Variants in PHF21A observed in about 807,000 individuals in gnomAD.
PHF21A encodes BHC80a.
Under a neutral mutation model 82.5 loss-of-function variants are expected in PHF21A, and 11 were observed. The ratio of observed to expected loss-of-function variants is 0.13; its 90% CI spans 0.08 to 0.22. The LOEUF (loss-of-function observed/expected upper bound fraction) is 0.22, where lower values mean the gene tolerates loss of function less well. PHF21A is among the 10% of genes least tolerant of loss of function. The pLI is 1.00. For synonymous variants in PHF21A, 297 were observed against 302.8 expected (o/e 0.98, Z 0.20); for missense variants, 579 against 837.8 (o/e 0.69, Z 3.81).
intron 6 of PHF21A, among the ~76,000 whole-genome samples, chr11:46,020,021 G>A (rs981704004): frequency 6.6e-6 from 1 of 151,378 alleles, no homozygotes; most frequent in Non-Finnish European, 1.5e-5. Context: ...ATTATGAAGA[G>A]ACCTGAATGA....
intron 6 of PHF21A, among the ~76,000 whole-genome samples, chr11:45,985,103 G>A (rs933088440): frequency 1.3e-5 from 2 of 152,180 alleles, no homozygotes; most frequent in Non-Finnish European, 2.9e-5. Flanking sequence ...AATTTTACGC[G>A]TATGGAAAAA....
intron 6 of PHF21A, among the ~76,000 whole-genome samples, chr11:46,057,830 TA>T (rs1321127393): frequency 6.6e-6 from 1 of 152,134 alleles, no homozygotes; most frequent in Non-Finnish European, 1.5e-5. Flanking sequence ...GTGCCAAGTG[TA>T]AAAATATGGT....
intron 3 of PHF21A, among the ~76,000 whole-genome samples, chr11:46,088,064 T>C (rs1244052984): frequency 2.0e-5 from 3 of 152,100 alleles, no homozygotes; most frequent in African/African-American, 4.8e-5. Context: ...GCTGAAAAAA[T>C]ATTTTGAGGT....
chr11:46,060,199 C>T (rs192493544), intron 6 of PHF21A, among the ~76,000 whole-genome samples: 2 of 152,156 alleles, frequency 1.3e-5, no homozygotes, highest in African/African-American at 4.8e-5. Context: ...GGTCTTGCTA[C>T]GTTGGCCTGG....
intron 6 of PHF21A, among the ~76,000 whole-genome samples, chr11:45,989,525 C>T (rs927440478): frequency 4.1e-5 from 6 of 148,022 alleles, no homozygotes; most frequent in Non-Finnish European, 7.4e-5. Context: ...AAAAATTAGC[C>T]GGGCCTGATG....
chr11:45,958,419 AATATATATAT>A (rs71308367), intron 10 of PHF21A, among the ~76,000 whole-genome samples: 12 of 25,024 alleles, frequency 4.8e-4, no homozygotes, highest in East Asian at 2.2e-3. Flanking sequence ...AAAAAAAAAA[AATATATATAT>A]ATATATATAT....
intron 6 of PHF21A, among the ~76,000 whole-genome samples, chr11:46,065,047 T>C (rs1014511254): frequency 1.3e-5 from 2 of 152,220 alleles, no homozygotes; most frequent in Non-Finnish European, 2.9e-5. Flanking sequence ...TAATTTACAT[T>C]AGTAGAGGAA....
rs2088831273 is a variant in PHF21A at position 45,935,754 on chromosome 11, A to C, written c.1685-15T>G. 2 of 1,081,108 alleles carry C rather than the reference A, an allele frequency of 1.8e-6. No homozygotes were observed. The highest frequency in any genetic ancestry group is 4.7e-5 in the East Asian group (2 of 42,570). 67.0% of individuals were successfully genotyped at this position (1,081,108 alleles called of 1,614,324 possible). ...TTCTTCTTTTGCTAAAAAAAAAAAA[A>C]AAAAAAAAAAGGAACGGTTTTTGAC... On this transcript the variant is annotated splice_polypyrimidine_tract_variant and intron_variant, in intron 17 of 18. Transcript: ENST00000676320.
chr11:45,958,226 C>A (rs140683385), intron 10 of PHF21A, among the ~76,000 whole-genome samples: 1 of 149,642 alleles, frequency 6.7e-6, no homozygotes, highest in African/African-American at 2.5e-5. Flanking sequence ...CCAGAAAATA[C>A]ACTCTTAAAT....
chr11:46,010,130 C>G (rs2095382635), intron 6 of PHF21A, among the ~76,000 whole-genome samples: 2 of 152,082 alleles, frequency 1.3e-5, no homozygotes, highest in African/African-American at 2.4e-5. Context: ...GGAATGAGAA[C>G]AATCATTTAA....
chr11:46,110,478 T>C (rs1255688394), intron 1 of PHF21A, among the ~76,000 whole-genome samples: 1 of 152,212 alleles, frequency 6.6e-6, no homozygotes, highest in African/African-American at 2.4e-5. Flanking sequence ...TCTCCTGATT[T>C]CCAACTTTAG....
intron 10 of PHF21A, among the ~76,000 whole-genome samples, chr11:45,957,749 A>C (rs1237117493): frequency 1.4e-5 from 2 of 141,796 alleles, no homozygotes; most frequent in African/African-American, 5.3e-5. Context: ...CTAAATTCAA[A>C]GCAAAAAAAA....
At position 45,937,551 on chromosome 11, in the gene PHF21A, G is replaced by A. The variant is rs1041488712; in HGVS notation, c.1608+606C>T. ...GCTGGAGTGCAGTGGTGTGACCTCC[G>A]CTCACTGCAGCCTCCACCTCCTGGG... On this transcript the variant is annotated intron_variant, in intron 16 of 18. Coordinates refer to ENST00000676320, the MANE Select transcript of PHF21A (RefSeq NM_001352027.3). Among the ~76,000 whole-genome samples, 5 of 152,268 alleles carry A rather than the reference G, an allele frequency of 3.3e-5. No individual in the cohort carries two copies. In the East Asian group the frequency reaches 7.7e-4, roughly 23 times the overall value.
intron 7 of PHF21A, among the ~76,000 whole-genome samples, chr11:45,977,039 T>G (rs1398012864): frequency 6.6e-6 from 1 of 152,150 alleles, no homozygotes; most frequent in Non-Finnish European, 1.5e-5. Flanking sequence ...AACACTGTTT[T>G]GGAGGCAGCC....
intron 6 of PHF21A, among the ~76,000 whole-genome samples, chr11:46,005,457 T>C (rs2095272737): frequency 6.6e-6 from 1 of 152,154 alleles, no homozygotes; most frequent in South Asian, 2.1e-4. Context: ...GGTTTCAAGA[T>C]AATAAGAAAA....
intron 15 of PHF21A, among the ~76,000 whole-genome samples, chr11:45,943,470 C>T (rs577752536): frequency 3.3e-5 from 5 of 152,232 alleles, no homozygotes; most frequent in African/African-American, 9.6e-5. Context: ...CGTGAGCCAC[C>T]GTGCCTGCCC....
rs555664938 is a variant in PHF21A, at chr11:46,121,395, C to T, written c.-697G>A. On this transcript the variant is annotated 5_prime_UTR_variant, in exon 1 of 19. Transcript: ENST00000676320. ...AAGCCCAACTCTTCATCCTCCTCCT[C>T]CTCTCAGCAGCAGCAGCGAGCACCA... Among the ~76,000 whole-genome samples, 7 of 151,556 alleles carry T rather than the reference C, an allele frequency of 4.6e-5. No homozygotes were observed. Among genetic ancestry groups the T allele is most frequent in the African/African-American group, 1.7e-4 (7 of 41,388 alleles).
rs748979964 is a variant in PHF21A at position 45,971,270 on chromosome 11, C to A, written c.458G>T (p.Arg153Ile). The A allele has an allele frequency of 6.2e-7, 1 of 1,614,168 alleles. No homozygotes were observed. The highest frequency in any genetic ancestry group is 8.5e-7 in the Non-Finnish European group (1 of 1,180,030). The change falls in exon 8 of 19, where the codon AGA becomes ATA. Residue 153 changes from arginine to isoleucine, a missense_variant. Physicochemically the swap from Arg to Ile is moderately conservative, Grantham distance 97 (BLOSUM62 -3). This residue lies in a region of PHF21A where 410 missense variants were observed against 642.1 expected (regional missense o/e 0.64). Coordinates refer to ENST00000676320, the MANE Select transcript of PHF21A (RefSeq NM_001352027.3). ...GGCGGTCACCATAGCAATGGTAGGT[C>A]TCTGGCCCACCACAGAGGCAGGCAT... is the stretch of plus-strand genomic sequence containing the variant. ...ATMPASVVGQ[R>I]PTIAMVTAIN...
intron 6 of PHF21A, among the ~76,000 whole-genome samples, chr11:46,075,215 T>G (rs2096711237): frequency 6.6e-6 from 1 of 152,224 alleles, no homozygotes; most frequent in Non-Finnish European, 1.5e-5. Context: ...AAATCTATGT[T>G]AGTTCTCACA....
Sources: gnomAD v4.1 joint callset for allele counts (sites outside exome capture counted in the v4.1 genomes callset) on GRCh38, gnomAD v4.1.1 for gene constraint, gnomAD v4.1.1 regional missense constraint, MANE v1.5 for transcripts, NCBI Gene and HGNC (gene_info 2026-07-23, HGNC 2026-07-21) for gene names.